Variants in TAF1B observed in about 807,000 individuals in gnomAD.
TAF1B encodes the protein TATA-box binding protein associated factor, RNA polymerase I subunit B.
TAF1B carries 61 observed loss-of-function variants against 83.9 expected under a neutral mutation model. The ratio of observed to expected loss-of-function variants is 0.73; its 90% CI spans 0.59 to 0.90. The LOEUF (loss-of-function observed/expected upper bound fraction) is 0.90. Among genes scored for constraint, TAF1B ranks in the 40% least tolerant of loss-of-function variants. The pLI, the probability that TAF1B is intolerant of heterozygous loss-of-function variation, is 0.00. For synonymous variants in TAF1B, 221 were observed against 224.6 expected (o/e 0.98, Z 0.14); for missense variants, 625 against 677.0 (o/e 0.92, Z 0.85).
chr2:9,894,082 A>G (rs1056982218), intron 8 of TAF1B, among the ~76,000 whole-genome samples: 3 of 137,984 alleles, frequency 2.2e-5, no homozygotes, highest in African/African-American at 7.4e-5. Context: ...ATCCTTAACT[A>G]AAAGTGTAAA....
At chr2:9,866,186 A>G (rs1663969664) in intron 5 of TAF1B, among the ~76,000 whole-genome samples, 1 of 151,862 alleles carries the variant, frequency 6.6e-6, no homozygotes, top group South Asian at 2.1e-4. Context: ...CAACCTACTC[A>G]TCTGACAAAG....
intron 6 of TAF1B, among the ~76,000 whole-genome samples, chr2:9,871,300 C>T (rs1332522350): frequency 6.6e-6 from 1 of 151,966 alleles, no homozygotes; most frequent in Non-Finnish European, 1.5e-5. Flanking sequence ...GCCAGGATGG[C>T]CTCGATCTCC....
intron 8 of TAF1B, among the ~76,000 whole-genome samples, chr2:9,897,002 C>T (rs1665039909): frequency 6.6e-6 from 1 of 152,154 alleles, no homozygotes; most frequent in East Asian, 1.9e-4. Context: ...TTGGAGATAA[C>T]CCTCTTCTCC....
At chr2:9,879,781 A>G (rs1334217031) in intron 7 of TAF1B, among the ~76,000 whole-genome samples, 1 of 152,180 alleles carries the variant, frequency 6.6e-6, no homozygotes, top group Non-Finnish European at 1.5e-5. Flanking sequence ...TTGAGGTATA[A>G]TTTATATATA....
intron 5 of TAF1B, among the ~76,000 whole-genome samples, chr2:9,859,886 C>G (rs1663695565): frequency 6.6e-6 from 1 of 152,092 alleles, no homozygotes; most frequent in African/African-American, 2.4e-5. Flanking sequence ...AGTTTGTTTC[C>G]ACACTACTAT....
At chr2:9,850,027 ATGTGTGTGTGTG>A (rs3032347) in intron 3 of TAF1B, among the ~76,000 whole-genome samples, 10 of 123,498 alleles carry the variant, frequency 8.1e-5, no homozygotes, top group Non-Finnish European at 1.6e-4. Context: ...ATATATATAT[ATGTGTGTGTGTG>A]TGTGTGTGTG....
intron 2 of TAF1B, among the ~76,000 whole-genome samples, chr2:9,849,049 G>A (rs1663298260): frequency 6.6e-6 from 1 of 152,106 alleles, no homozygotes. Context: ...TATTTTGTGT[G>A]GAGAAAAAAG....
chr2:9,906,621 C>T (rs1665350965), intron 9 of TAF1B, among the ~76,000 whole-genome samples: 2 of 151,928 alleles, frequency 1.3e-5, no homozygotes, highest in African/African-American at 4.8e-5. Flanking sequence ...ATGAAGAGTT[C>T]ATAAAAGCAT....
intron 9 of TAF1B, among the ~76,000 whole-genome samples, chr2:9,909,098 A>G (rs1665442257): frequency 6.6e-6 from 1 of 152,242 alleles, no homozygotes; most frequent in Non-Finnish European, 1.5e-5. Flanking sequence ...GCATTTTTTA[A>G]TCAGCAAAAC....
intron 6 of TAF1B, 58 bp downstream of exon 6, chr2:9,868,487 A>G (rs1216264898): frequency 1.3e-6 from 2 of 1,567,076 alleles, no homozygotes; most frequent in South Asian, 1.2e-5. Flanking sequence ...CTTAAAAATA[A>G]TTTAGTCTAA....
At chr2:9,889,623 A>T (rs987780138) in intron 8 of TAF1B, among the ~76,000 whole-genome samples, 1 of 152,008 alleles carries the variant, frequency 6.6e-6, no homozygotes, top group African/African-American at 2.4e-5. Context: ...GCCTCTTTGC[A>T]TGACTGGTAA....
At chr2:9,845,424 A>G in intron 2 of TAF1B, 106 bp downstream of exon 2, 2 of 809,274 alleles carry the variant, frequency 2.5e-6, no homozygotes, top group Non-Finnish European at 2.0e-6. Context: ...TTTGTCACTC[A>G]TGCAATGCCA....
At chr2:9,864,029 T>C (rs1663874063) in intron 5 of TAF1B, among the ~76,000 whole-genome samples, 1 of 151,750 alleles carries the variant, frequency 6.6e-6, no homozygotes, top group East Asian at 1.9e-4. Context: ...AACATCACAA[T>C]TAAAAGAACT....
intron 5 of TAF1B, among the ~76,000 whole-genome samples, chr2:9,857,537 A>G (rs902944571): frequency 6.6e-6 from 1 of 152,150 alleles, no homozygotes; most frequent in Admixed American, 6.5e-5. Flanking sequence ...TGGACATGTT[A>G]AGTTTGAGAC....
intron 4 of TAF1B, 46 bp from the exon 5 acceptor site, chr2:9,854,280 T>G (rs1572215225): frequency 7.3e-7 from 1 of 1,368,540 alleles, no homozygotes; most frequent in East Asian, 2.3e-5. Flanking sequence ...TGTACATTTG[T>G]TGTCATAACC....
At chr2:9,899,008 TA>T (rs1372870095) in intron 8 of TAF1B, among the ~76,000 whole-genome samples, 3 of 149,108 alleles carry the variant, frequency 2.0e-5, no homozygotes, top group African/African-American at 4.8e-5. Context: ...GGTGGCAAAA[TA>T]TACATAAAAG....
chr2:9,853,695 T>C (rs1005196269), intron 4 of TAF1B, among the ~76,000 whole-genome samples: 4 of 152,156 alleles, frequency 2.6e-5, no homozygotes, highest in African/African-American at 9.7e-5. Context: ...TTCGAACTCC[T>C]GGGCTCAAGC....
At chr2:9,866,716 G>GAAAATGTGGC (rs1663988343) in intron 5 of TAF1B, among the ~76,000 whole-genome samples, 1 of 152,162 alleles carries the variant, frequency 6.6e-6, no homozygotes, top group Non-Finnish European at 1.5e-5. Flanking sequence ...ACTGGATTAA[G>GAAAATGTGGC]AAAATGTGGC....
At chr2:9,854,737 A>G (rs1209927779) in intron 5 of TAF1B, among the ~76,000 whole-genome samples, 1 of 152,192 alleles carries the variant, frequency 6.6e-6, no homozygotes, top group Non-Finnish European at 1.5e-5. Context: ...ATAATTTTTA[A>G]TTTAATAATG....
Sources: allele counts gnomAD v4.1 joint callset (sites outside exome capture counted in the v4.1 genomes callset), GRCh38; gene constraint gnomAD v4.1.1; transcripts MANE v1.5; gene names NCBI Gene and HGNC (gene_info 2026-07-23, HGNC 2026-07-21).